Variants in NOSTRIN observed in about 807,000 individuals in gnomAD.
NOSTRIN encodes the protein nitric oxide synthase trafficking.
NOSTRIN carries 63 observed loss-of-function variants against 59.0 expected under a neutral mutation model. The observed-to-expected ratio is 1.07, with a 90% CI of 0.87 to 1.32. The LOEUF is 1.32. Ranked by LOEUF, NOSTRIN falls within the 40% of genes most tolerant of loss-of-function variation. The pLI is 0.00. For synonymous variants in NOSTRIN, 200 were observed against 165.4 expected, an observed-to-expected ratio of 1.21 and a Z score of -1.61; for missense variants, 512 against 473.1, an observed-to-expected ratio of 1.08 and a Z score of -0.76.
At chr2:168,804,775 T>C (rs965066647) in intron 1 of NOSTRIN, among the ~76,000 whole-genome samples, 5 of 152,216 alleles carry the variant, frequency 3.3e-5, no homozygotes, top group African/African-American at 1.2e-4. Context: ...AAAAAATCTC[T>C]ATTTGTACTA....
At chr2:168,838,778 T>TA (rs199770470) in intron 7 of NOSTRIN, among the ~76,000 whole-genome samples, 1,898 of 137,456 alleles carry the variant, frequency 0.014, 41 homozygotes, top group African/African-American at 0.048. Flanking sequence ...TCAGAATAAA[T>TA]AAAAAAAACT....
intron 7 of NOSTRIN, 126 bp from the exon 8 acceptor site, chr2:168,842,866 A>G (rs564045570): frequency 3.0e-6 from 2 of 664,730 alleles, no homozygotes; most frequent in African/African-American, 3.6e-5. Flanking sequence ...AACTATAGTC[A>G]CTGTTTATGA....
intron 2 of NOSTRIN, among the ~76,000 whole-genome samples, chr2:168,814,875 G>A (rs751443864): frequency 3.3e-5 from 5 of 152,186 alleles, no homozygotes; most frequent in Non-Finnish European, 7.3e-5. Context: ...AGACCAGCCT[G>A]TTCAACAAAG....
intron 7 of NOSTRIN, among the ~76,000 whole-genome samples, chr2:168,839,279 C>T (rs550279109): frequency 1.3e-5 from 2 of 152,266 alleles, no homozygotes; most frequent in African/African-American, 4.8e-5. Context: ...ATATGGAGAT[C>T]GATTTTTGAG....
chr2:168,820,686 C>A (rs1427856847), intron 2 of NOSTRIN, among the ~76,000 whole-genome samples: 1 of 127,914 alleles, frequency 7.8e-6, no homozygotes, highest in African/African-American at 3.1e-5. Flanking sequence ...AGAAAGCCGG[C>A]AGAAACACTG....
intron 2 of NOSTRIN, among the ~76,000 whole-genome samples, chr2:168,817,967 G>T (rs751866656): frequency 7.2e-5 from 11 of 152,202 alleles, no homozygotes; most frequent in Non-Finnish European, 1.6e-4. Context: ...ATGAAGTTTG[G>T]ATAGAAAATA....
intron 2 of NOSTRIN, among the ~76,000 whole-genome samples, chr2:168,823,026 T>A (rs906000882): frequency 6.6e-6 from 1 of 152,186 alleles, no homozygotes; most frequent in African/African-American, 2.4e-5. Flanking sequence ...TTTGTTTTTG[T>A]TTTTGTTTGA....
In NOSTRIN at chr2:168,861,948, T is replaced by C. The variant is rs775934054; in HGVS notation, c.1295-12T>C. On this transcript the variant is annotated splice_polypyrimidine_tract_variant and intron_variant, in intron 14 of 15. Coordinates refer to ENST00000317647, the MANE Select transcript of NOSTRIN (RefSeq NM_001039724.4). ...TAACACAGCATACTAATTACAGCTT[T>C]ATCTATTTCAGCCCCTGGTGCAGCC... 2.0e-5 allele frequency: 32 copies of C among 1,613,456 alleles called. No homozygotes were observed. Among genetic ancestry groups the C allele is most frequent in the Non-Finnish European group, 2.7e-5 (32 of 1,179,494 alleles).
chr2:168,809,749 T>C (rs1042229304), intron 1 of NOSTRIN, among the ~76,000 whole-genome samples: 6 of 147,778 alleles, frequency 4.1e-5, no homozygotes, highest in Non-Finnish European at 7.5e-5. Context: ...TTAAAATATT[T>C]ATATATTAAA....
At chr2:168,863,810 CAAAGTACGGACACCAAGAAAG>C (rs1689651700) in intron 15 of NOSTRIN, 1 of 241,280 alleles carries the variant, frequency 4.1e-6, no homozygotes, top group African/African-American at 2.3e-5. Context: ...GTGAAACCCT[CAAAGTACGGACACCAAGAAAG>C]AGTTTGGTGA....
At chr2:168,859,322 C>T in intron 12 of NOSTRIN, 190 bp from the exon 13 acceptor site, 1 of 735,886 alleles carries the variant, frequency 1.4e-6, no homozygotes, top group South Asian at 2.3e-5. Flanking sequence ...ACAACTAAAA[C>T]CTCCCTCTAA....
intron 2 of NOSTRIN, among the ~76,000 whole-genome samples, chr2:168,792,857 C>T (rs900008948): frequency 1.3e-5 from 2 of 152,072 alleles, no homozygotes; most frequent in East Asian, 1.9e-4. Context: ...ATTAAACAGT[C>T]GTTATGTATA....
rs766067866 is a variant in NOSTRIN at position 168,842,966 on chromosome 2, T to C, written c.505-26T>C. 3 of 865,416 alleles carry C rather than the reference T, an allele frequency of 3.5e-6. No individual in the cohort carries two copies. The African/African-American group carries it at 4.9e-5, about 14-fold the overall frequency. 53.6% of individuals were successfully genotyped at this position (865,416 alleles called of 1,614,324 possible). A position where few individuals can be genotyped will look rare whatever the true frequency, so the allele number is the denominator to read the frequency against. ...GGGCTTTCAAAAATGTGTTAGTAAA[T>C]GTGTGACATTGATGTTTTACATTAG... On this transcript the variant is annotated intron_variant, in intron 7 of 15. Coordinates refer to ENST00000317647, the MANE Select transcript of NOSTRIN (RefSeq NM_001039724.4).
At chr2:168,833,223 A>G (rs1376291691) in intron 6 of NOSTRIN, among the ~76,000 whole-genome samples, 1 of 152,142 alleles carries the variant, frequency 6.6e-6, no homozygotes, top group East Asian at 1.9e-4. Context: ...TATTTGGGAG[A>G]CTCTAATGAA....
chr2:168,819,784 A>G (rs1686625672), intron 2 of NOSTRIN, among the ~76,000 whole-genome samples: 1 of 152,198 alleles, frequency 6.6e-6, no homozygotes, highest in Non-Finnish European at 1.5e-5. Flanking sequence ...AGGCAGAGAA[A>G]GGGTACAATC....
intron 7 of NOSTRIN, among the ~76,000 whole-genome samples, chr2:168,837,269 CTTT>C (rs201670059): frequency 2.6e-5 from 2 of 78,200 alleles, no homozygotes; most frequent in African/African-American, 9.0e-5. Flanking sequence ...TACAATACAT[CTTT>C]TTTTTTTATA....
upstream of NOSTRIN, chr2:168,802,377 T>G: frequency 2.3e-6 from 1 of 442,916 alleles, no homozygotes; most frequent in Non-Finnish European, 4.2e-6. Flanking sequence ...GTTACGCTGT[T>G]CAGGACTCAG....
At chr2:168,790,773 G>C (rs1024124605) in intron 2 of NOSTRIN, among the ~76,000 whole-genome samples, 3 of 152,162 alleles carry the variant, frequency 2.0e-5, no homozygotes, top group Admixed American at 2.0e-4. Flanking sequence ...TTAGATAGTA[G>C]TGATGAATCC....
At chr2:168,839,689 A>G (rs1687946708) in intron 7 of NOSTRIN, among the ~76,000 whole-genome samples, 1 of 151,568 alleles carries the variant, frequency 6.6e-6, no homozygotes, top group Non-Finnish European at 1.5e-5. Flanking sequence ...TGAGGTGGGC[A>G]GATTACCTGA....
Sources: allele counts gnomAD v4.1 joint callset (sites outside exome capture counted in the v4.1 genomes callset), GRCh38; gene constraint gnomAD v4.1.1; transcripts MANE v1.5; gene names NCBI Gene and HGNC (gene_info 2026-07-23, HGNC 2026-07-21).